MTA3: variants seen among roughly 807,000 people sequenced by gnomAD.
The protein encoded by MTA3 is metastasis-associated protein MTA3.
Under a neutral mutation model 83.5 loss-of-function variants are expected in MTA3, and 34 were observed. That is an observed-to-expected ratio of 0.41 (90% CI 0.31 to 0.54). The LOEUF is 0.54. MTA3 is among the 20% of genes least tolerant of loss of function. The pLI is 0.33. For missense variants in MTA3, 761 were observed against 726.4 expected (o/e 1.05, Z -0.55); for synonymous variants, 303 against 252.7 (o/e 1.20, Z -1.89).
intron 6 of MTA3, among the ~76,000 whole-genome samples, chr2:42,655,075 C>G (rs770107145): frequency 1.8e-4 from 27 of 152,158 alleles, no homozygotes; most frequent in Non-Finnish European, 3.2e-4. Flanking sequence ...TGTGAAGGAA[C>G]TCTTAAAGGA....
chr2:42,721,720 T>C (rs1667422913), intron 15 of MTA3, among the ~76,000 whole-genome samples: 1 of 152,124 alleles, frequency 6.6e-6, no homozygotes, highest in African/African-American at 2.4e-5. Context: ...AGGATTCGAA[T>C]AGGTAGAAAA....
intron 2 of MTA3, among the ~76,000 whole-genome samples, chr2:42,549,595 CATATACATATATAATATATAATATATT>C (rs1677007157): frequency 1.8e-5 from 2 of 113,648 alleles, no homozygotes; most frequent in African/African-American, 7.5e-5. Flanking sequence ...ATATTATATA[CATATACATATATAATATATAATATATT>C]ATATACATAT....
At chr2:42,679,862 G>C (rs1691714477) in intron 8 of MTA3, among the ~76,000 whole-genome samples, 1 of 150,486 alleles carries the variant, frequency 6.6e-6, no homozygotes, top group African/African-American at 2.4e-5. Context: ...CCCCACTTTG[G>C]ATTCTTTTCT....
chr2:42,513,211 T>C (rs1424645961), intron 2 of MTA3, among the ~76,000 whole-genome samples: 5 of 152,194 alleles, frequency 3.3e-5, no homozygotes, highest in Admixed American at 3.3e-4. Flanking sequence ...AAGTTACTTT[T>C]TGGATATTAA....
chr2:42,509,699 G>T (rs1674807425), intron 2 of MTA3, among the ~76,000 whole-genome samples: 1 of 151,884 alleles, frequency 6.6e-6, no homozygotes, highest in South Asian at 2.1e-4. Context: ...TAAGCCTGGG[G>T]GGTTGAGGCT....
intron 2 of MTA3, among the ~76,000 whole-genome samples, chr2:42,537,069 C>G (rs1000947602): frequency 2.0e-5 from 3 of 152,032 alleles, no homozygotes; most frequent in Admixed American, 1.3e-4. Context: ...CAGCCTTAAC[C>G]CTTAGTGTAA....
chr2:42,750,354 C>T (rs896706917), intron 16 of MTA3, among the ~76,000 whole-genome samples: 1 of 151,052 alleles, frequency 6.6e-6, no homozygotes, highest in African/African-American at 2.4e-5. Context: ...TTGTACTCTT[C>T]TGTTGATTAT....
chr2:42,558,186 C>G (rs1677489975), intron 2 of MTA3, among the ~76,000 whole-genome samples: 1 of 151,744 alleles, frequency 6.6e-6, no homozygotes. Flanking sequence ...TCCTCCTGAT[C>G]ACTACCTGCA....
At chr2:42,523,020 G>C (rs1217199345) in intron 2 of MTA3, among the ~76,000 whole-genome samples, 2 of 151,824 alleles carry the variant, frequency 1.3e-5, no homozygotes, top group East Asian at 3.9e-4. Flanking sequence ...GTGTTGCCCA[G>C]TTTGGTCTTG....
intron 3 of MTA3, among the ~76,000 whole-genome samples, chr2:42,585,332 C>T (rs912145595): frequency 3.9e-5 from 6 of 152,080 alleles, no homozygotes. Context: ...AGGTGATCTG[C>T]CCACCTCGGC....
At chr2:42,532,504 C>T (rs1004386097) in intron 2 of MTA3, among the ~76,000 whole-genome samples, 1 of 152,036 alleles carries the variant, frequency 6.6e-6, no homozygotes, top group Non-Finnish European at 1.5e-5. Flanking sequence ...AGTGAGACGC[C>T]ATCTCAAAAA....
chr2:42,687,981 C>T (rs1692542414), intron 9 of MTA3, among the ~76,000 whole-genome samples: 1 of 152,240 alleles, frequency 6.6e-6, no homozygotes, highest in South Asian at 2.1e-4. Context: ...GCAGTCGCTA[C>T]TGACAAGGGT....
At chr2:42,542,311 G>A (rs551358782) in intron 2 of MTA3, among the ~76,000 whole-genome samples, 18 of 152,228 alleles carry the variant, frequency 1.2e-4, no homozygotes, top group South Asian at 4.1e-4. Context: ...AATGCAAGTC[G>A]TGGGCTTTCT....
At chr2:42,635,565 C>G (rs1167618515) in intron 4 of MTA3, among the ~76,000 whole-genome samples, 3 of 151,930 alleles carry the variant, frequency 2.0e-5, no homozygotes, top group South Asian at 2.1e-4. Context: ...GAGATGGAGG[C>G]TGCAGTAAGG....
chr2:42,555,933 A>G (rs1380446309), intron 2 of MTA3, among the ~76,000 whole-genome samples: 1 of 139,486 alleles, frequency 7.2e-6, no homozygotes, highest in Non-Finnish European at 1.6e-5. Context: ...GTAGCCAGAC[A>G]TGGTGGTGGG....
At chr2:42,719,470 T>C (rs1667255631) in intron 15 of MTA3, among the ~76,000 whole-genome samples, 1 of 152,228 alleles carries the variant, frequency 6.6e-6, no homozygotes, top group East Asian at 1.9e-4. Flanking sequence ...AGAAGATTTA[T>C]TTACTTATTA....
intron 9 of MTA3, among the ~76,000 whole-genome samples, chr2:42,694,286 C>T (rs960454163): frequency 3.9e-5 from 6 of 151,936 alleles, no homozygotes; most frequent in East Asian, 1.9e-4. Context: ...ACATGCCACC[C>T]GAAGTCCTCT....
chr2:42,610,529 C>CTAG (rs1366601885), intron 4 of MTA3, among the ~76,000 whole-genome samples: 1 of 152,104 alleles, frequency 6.6e-6, no homozygotes, highest in Non-Finnish European at 1.5e-5. Flanking sequence ...GTGAAAAAAC[C>CTAG]TAGCCCCTTG....
At position 42,715,007 on chromosome 2, in the gene MTA3, T is replaced by C. The variant is rs1666925540; in HGVS notation, c.1526-3981T>C. Among the ~76,000 whole-genome samples, 2 of 152,106 alleles carry C rather than the reference T, an allele frequency of 1.3e-5. 1 individual carries two copies. The highest frequency in any genetic ancestry group is 4.2e-4 in the South Asian group (2 of 4,814). Reference sequence around the variant, plus strand: ...TCTAGGAAACTAAAGACATGTTCCTTGTGACCAGTCAAGTGACTTGAGTGA... The same window carrying C: ...TCTAGGAAACTAAAGACATGTTCCTCGTGACCAGTCAAGTGACTTGAGTGA... On this transcript the variant is annotated intron_variant, in intron 14 of 16. Transcript: ENST00000405094.
Sources: allele counts gnomAD v4.1 joint callset (sites outside exome capture counted in the v4.1 genomes callset), GRCh38; gene constraint gnomAD v4.1.1; transcripts MANE v1.5; gene names NCBI Gene and HGNC (gene_info 2026-07-23, HGNC 2026-07-21).